NDUFAF6: variants seen among roughly 807,000 people sequenced by gnomAD.
The protein encoded by NDUFAF6 is NADH:ubiquinone oxidoreductase complex assembly factor 6.
Under a neutral mutation model 40.8 loss-of-function variants are expected in NDUFAF6, and 45 were observed. The observed-to-expected ratio is 1.10, with a 90% confidence interval of 0.87 to 1.42. The LOEUF (loss-of-function observed/expected upper bound fraction) is 1.42. Among genes scored for constraint, NDUFAF6 ranks in the 40% most tolerant of loss-of-function variants. The pLI is 0.00. For missense variants in NDUFAF6, 435 were observed against 418.5 expected (o/e 1.04, Z -0.34); for synonymous variants, 185 against 155.9 (o/e 1.19, Z -1.39).
chr8:94,991,976 C>A (rs1211924407), intron 2 of NDUFAF6, among the ~76,000 whole-genome samples: 1 of 152,148 alleles, frequency 6.6e-6, no homozygotes. Flanking sequence ...GTGAGTATAT[C>A]TAAAGGGTTT....
At chr8:94,937,163 G>C (rs1428435718) in intron 1 of NDUFAF6, among the ~76,000 whole-genome samples, 2 of 152,106 alleles carry the variant, frequency 1.3e-5, no homozygotes, top group East Asian at 3.9e-4. Flanking sequence ...CAGACCAAAG[G>C]ACACACTATA....
At chr8:94,932,780 G>A (rs889298484) in intron 1 of NDUFAF6, among the ~76,000 whole-genome samples, 1 of 152,194 alleles carries the variant, frequency 6.6e-6, no homozygotes, top group South Asian at 2.1e-4. Context: ...TCCAGCCTGG[G>A]CGAAGGAGCG....
chr8:95,115,929 G>C (rs905541592), intron 5 of NDUFAF6, among the ~76,000 whole-genome samples: 1 of 152,154 alleles, frequency 6.6e-6, no homozygotes, highest in African/African-American at 2.4e-5. Context: ...CCTGAGGTCA[G>C]CAGTTAGAGA....
Position 95,007,659 on chromosome 8 carries a change from GTT to G in NDUFAF6, c.-83-24314_-83-24313del, listed in dbSNP as rs553474402. Among the ~76,000 whole-genome samples the G allele has an allele frequency of 5.6e-3, 579 of 103,798 alleles. 6 individuals carry two copies. Among genetic ancestry groups the G allele is most frequent in the African/African-American group, 0.019 (532 of 28,128 alleles). 68.1% of individuals were successfully genotyped at this position (103,798 alleles called of 152,430 possible). ...AGCCTGGGCAACAGTGTGAGGCTCT[GTT>G]TTTTTTTTTTTTTTTTTTTTTAATC... On this transcript the variant is annotated intron_variant, in intron 2 of 9. Coordinates refer to the NDUFAF6 transcript ENST00000396111.
chr8:95,048,453 A>G lies in NDUFAF6; in HGVS notation c.715-4A>G, dbSNP rs764785557. Reference sequence around the variant, plus strand: ...CCTAATATAATGTATATTTCCCCACACAGCATGGTGTTTCACAAGAGGACT... The same window carrying G: ...CCTAATATAATGTATATTTCCCCACGCAGCATGGTGTTTCACAAGAGGACT... On this transcript the variant is annotated splice_polypyrimidine_tract_variant and splice_region_variant and intron_variant, in intron 6 of 8. Transcript: ENST00000396124. The G allele has an allele frequency of 1.2e-6, 2 of 1,607,348 alleles. No individual in the cohort carries two copies. The highest frequency in any genetic ancestry group is 1.1e-5 in the South Asian group (1 of 90,934).
intron 7 of NDUFAF6, among the ~76,000 whole-genome samples, chr8:95,049,073 C>T (rs763159185): frequency 6.6e-6 from 1 of 152,168 alleles, no homozygotes; most frequent in Admixed American, 6.5e-5. Flanking sequence ...ACTGTTACCT[C>T]GGGCCCTTTC....
intron 4 of NDUFAF6, among the ~76,000 whole-genome samples, chr8:95,044,868 TA>T (rs1288931347): frequency 6.6e-6 from 1 of 152,148 alleles, no homozygotes; most frequent in Non-Finnish European, 1.5e-5. Context: ...ATAGTCTTTG[TA>T]AAAGTGGCTA....
At chr8:94,913,217 A>G (rs1170427460) in intron 1 of NDUFAF6, among the ~76,000 whole-genome samples, 1 of 152,216 alleles carries the variant, frequency 6.6e-6, no homozygotes, top group Admixed American at 6.5e-5. Flanking sequence ...GGCAGGGGAC[A>G]TCTGATGCCA....
intron 1 of NDUFAF6, among the ~76,000 whole-genome samples, chr8:94,938,511 A>T (rs1821209035): frequency 6.6e-6 from 1 of 152,254 alleles, no homozygotes; most frequent in Non-Finnish European, 1.5e-5. Flanking sequence ...GGATGTGGTC[A>T]CTATAAAGAC....
chr8:95,108,084 AT>A (rs1809893795), downstream of NDUFAF6, among the ~76,000 whole-genome samples: 1 of 152,230 alleles, frequency 6.6e-6, no homozygotes, highest in Non-Finnish European at 1.5e-5. Context: ...GGTGTGGGAT[AT>A]GGGGCAATTG....
At chr8:94,954,492 A>G (rs1401797382), upstream of NDUFAF6, among the ~76,000 whole-genome samples, 1 of 152,234 alleles carries the variant, frequency 6.6e-6, no homozygotes, top group African/African-American at 2.4e-5. Context: ...AAGTAAATAT[A>G]TAATTTAGTG....
At chr8:94,932,180 A>G (rs1443499467) in intron 1 of NDUFAF6, 14 of 1,505,844 alleles carry the variant, frequency 9.3e-6, no homozygotes, top group Non-Finnish European at 1.3e-5. Context: ...TACTATTAGG[A>G]CGTGGTCAAC....
chr8:95,003,883 G>T (rs1426889715), intron 2 of NDUFAF6, among the ~76,000 whole-genome samples: 1 of 152,138 alleles, frequency 6.6e-6, no homozygotes, highest in Admixed American at 6.6e-5. Context: ...GTCTAAATTG[G>T]GATAATTAAT....
At chr8:95,045,179 G>C (rs2599712) in intron 4 of NDUFAF6, among the ~76,000 whole-genome samples, 5 of 151,934 alleles carry the variant, frequency 3.3e-5, no homozygotes, top group African/African-American at 1.2e-4. Context: ...TCTCTTGGAG[G>C]GGGGGTTGTT....
intron 1 of NDUFAF6, among the ~76,000 whole-genome samples, chr8:94,902,641 A>C (rs1357358663): frequency 6.6e-6 from 1 of 151,514 alleles, no homozygotes; most frequent in Non-Finnish European, 1.5e-5. Context: ...TTGTGAATAA[A>C]GTCACCCTGA....
At chr8:94,967,766 C>T (rs1184533054) in intron 1 of NDUFAF6, among the ~76,000 whole-genome samples, 1 of 151,858 alleles carries the variant, frequency 6.6e-6, no homozygotes, top group Non-Finnish European at 1.5e-5. Flanking sequence ...CATGCAAAAC[C>T]CCATCTCTAC....
chr8:94,995,273 TAGAAAC>T (rs1325532935), intron 2 of NDUFAF6, among the ~76,000 whole-genome samples: 3 of 151,944 alleles, frequency 2.0e-5, no homozygotes, highest in Non-Finnish European at 4.4e-5. Context: ...GTTAAAATGA[TAGAAAC>T]AGAAAGTAGA....
At chr8:94,959,639 T>G (rs1258859500) in intron 1 of NDUFAF6, among the ~76,000 whole-genome samples, 7 of 151,824 alleles carry the variant, frequency 4.6e-5, no homozygotes. Flanking sequence ...CAAGTGATCC[T>G]CCCACCTCAG....
At chr8:94,960,841 G>A (rs4604402) in intron 1 of NDUFAF6, among the ~76,000 whole-genome samples, 24 of 152,128 alleles carry the variant, frequency 1.6e-4, no homozygotes, top group Admixed American at 5.2e-4. Flanking sequence ...GTAACTTTTC[G>A]AACAAACCCT....
Sources: gnomAD v4.1 joint callset for allele counts (sites outside exome capture counted in the v4.1 genomes callset) on GRCh38, gnomAD v4.1.1 for gene constraint, MANE v1.5 for transcripts, NCBI Gene and HGNC (gene_info 2026-07-23, HGNC 2026-07-21) for gene names.